The following NBEA variants were observed in gnomAD, a reference collection of about 807,000 sequenced individuals.
NBEA encodes neurobeachin.
NBEA carries 44 observed loss-of-function variants against 343.4 expected under a neutral mutation model. That is an observed-to-expected ratio of 0.13 (90% CI 0.10 to 0.16). The LOEUF (loss-of-function observed/expected upper bound fraction) is 0.16. Ranked by LOEUF, NBEA falls within the 10% of genes least tolerant of loss-of-function variation. The probability of loss-of-function intolerance (pLI) is 1.00; values close to 1 mark genes in which losing one functional copy is unlikely to be tolerated. For missense variants in NBEA, 2,555 were observed against 3,631.3 expected (o/e 0.70, Z 7.62); for synonymous variants, 1,175 against 1,238.7 (o/e 0.95, Z 1.08).
intron 31 of NBEA, among the ~76,000 whole-genome samples, chr13:35,203,933 A>C (rs1308103819): frequency 6.6e-6 from 1 of 152,300 alleles, no homozygotes; most frequent in African/African-American, 2.4e-5. Flanking sequence ...TTGTGTGGAA[A>C]GCATAGTATT....
At chr13:35,116,385 ACATTGG>A (rs2066492492) in intron 13 of NBEA, among the ~76,000 whole-genome samples, 1 of 152,132 alleles carries the variant, frequency 6.6e-6, no homozygotes, top group Non-Finnish European at 1.5e-5. Flanking sequence ...TGTTTTCTGT[ACATTGG>A]CAATATTTTA....
At chr13:35,385,175 G>T (rs796535325) in intron 38 of NBEA, among the ~76,000 whole-genome samples, 1 of 152,104 alleles carries the variant, frequency 6.6e-6, no homozygotes, top group East Asian at 1.9e-4. Flanking sequence ...TTAGACTTCA[G>T]TAAGTTAAGG....
intron 41 of NBEA, among the ~76,000 whole-genome samples, chr13:35,492,183 G>A (rs1034955527): frequency 2.6e-5 from 4 of 151,918 alleles, no homozygotes; most frequent in African/African-American, 7.2e-5. Flanking sequence ...GTGGAGTTTG[G>A]GAACTCAGGG....
intron 1 of NBEA, among the ~76,000 whole-genome samples, chr13:35,030,004 C>T (rs1456345529): frequency 1.3e-5 from 2 of 151,564 alleles, no homozygotes. Context: ...GTTAACTGTG[C>T]AAATAGAGTA....
intron 34 of NBEA, among the ~76,000 whole-genome samples, chr13:35,255,685 G>T (rs544051138): frequency 6.6e-6 from 1 of 152,368 alleles, no homozygotes; most frequent in African/African-American, 2.4e-5. Context: ...CCCCAGAAAG[G>T]GTGTCACAGC....
intron 1 of NBEA, among the ~76,000 whole-genome samples, chr13:35,019,449 CA>C (rs1453533716): frequency 6.6e-6 from 1 of 151,928 alleles, no homozygotes; most frequent in Non-Finnish European, 1.5e-5. Context: ...AGGCGGACAC[CA>C]CCACACCTGG....
intron 1 of NBEA, among the ~76,000 whole-genome samples, chr13:34,971,564 G>A (rs2059996229): frequency 6.6e-6 from 1 of 152,046 alleles, no homozygotes; most frequent in Non-Finnish European, 1.5e-5. Flanking sequence ...TAACCTGAAG[G>A]GATGTTGAAT....
intron 10 of NBEA, among the ~76,000 whole-genome samples, chr13:35,074,400 G>A (rs892539914): frequency 6.6e-6 from 1 of 151,992 alleles, no homozygotes; most frequent in Non-Finnish European, 1.5e-5. Flanking sequence ...CTTCCTCATT[G>A]TGTGACCTAA....
intron 34 of NBEA, among the ~76,000 whole-genome samples, chr13:35,245,366 T>C (rs2031025216): frequency 6.6e-6 from 1 of 152,116 alleles, no homozygotes; most frequent in African/African-American, 2.4e-5. Context: ...TTTTTTGTAA[T>C]TTTGTTTTAT....
intron 34 of NBEA, among the ~76,000 whole-genome samples, chr13:35,238,157 A>T (rs1219546730): frequency 6.6e-6 from 1 of 152,236 alleles, no homozygotes; most frequent in Non-Finnish European, 1.5e-5. Context: ...CCAGCCAAAG[A>T]TAACAAAGCT....
At chr13:35,030,069 T>TTA (rs1258756636) in intron 1 of NBEA, among the ~76,000 whole-genome samples, 1 of 151,694 alleles carries the variant, frequency 6.6e-6, no homozygotes, top group African/African-American at 2.4e-5. Context: ...TCCTTCTCTT[T>TTA]TATATATGGT....
chr13:35,231,934 A>G (rs1421071401), intron 33 of NBEA, among the ~76,000 whole-genome samples: 2 of 152,180 alleles, frequency 1.3e-5, no homozygotes, highest in South Asian at 4.1e-4. Flanking sequence ...ATGTATGGCT[A>G]TTAACTTAAA....
At chr13:35,433,941 A>G (rs978348157) in intron 39 of NBEA, among the ~76,000 whole-genome samples, 3 of 152,204 alleles carry the variant, frequency 2.0e-5, no homozygotes, top group Middle Eastern at 3.4e-3. Flanking sequence ...AATTTATCTC[A>G]TTTGAAAGTG....
In NBEA at chr13:35,048,551, A is replaced by G. The variant is rs760062524; in HGVS notation, c.724-12A>G. ...AACTGATACTTTCGTACCTTTTCTC[A>G]TTGCCTTGTAGGCAATTGCCTTGCC... On this transcript the variant is annotated splice_polypyrimidine_tract_variant and intron_variant, in intron 4 of 58. Coordinates refer to ENST00000379939, the MANE Select transcript of NBEA (RefSeq NM_001385012.1). 1 of 1,600,314 alleles carries G rather than the reference A, an allele frequency of 6.2e-7. No individual in the cohort carries two copies. The highest frequency in any genetic ancestry group is 1.1e-5 in the South Asian group (1 of 88,888).
At chr13:35,245,430 A>G (rs2031038108) in intron 34 of NBEA, among the ~76,000 whole-genome samples, 1 of 151,914 alleles carries the variant, frequency 6.6e-6, no homozygotes, top group African/African-American at 2.4e-5. Flanking sequence ...TGTTTCCAGG[A>G]TTTGTCAAGA....
At chr13:34,948,852 C>T (rs2059266837) in intron 1 of NBEA, among the ~76,000 whole-genome samples, 2 of 152,090 alleles carry the variant, frequency 1.3e-5, no homozygotes, top group South Asian at 2.1e-4. Context: ...CAGTTAACTT[C>T]GGTCCAAGTT....
intron 6 of NBEA, among the ~76,000 whole-genome samples, chr13:35,052,381 G>GTA (rs2152564418): frequency 6.6e-6 from 1 of 152,076 alleles, no homozygotes; most frequent in African/African-American, 2.4e-5. Context: ...TTACCTAATG[G>GTA]TAATATGTGC....
intron 23 of NBEA, 49 bp downstream of exon 23, chr13:35,162,016 C>A: frequency 6.9e-7 from 1 of 1,444,428 alleles, no homozygotes; most frequent in Non-Finnish European, 9.4e-7. Context: ...TTAAAATATG[C>A]CATTGCCTAT....
chr13:35,640,583 A>C (rs1212889441), intron 49 of NBEA, among the ~76,000 whole-genome samples: 1 of 152,226 alleles, frequency 6.6e-6, no homozygotes, highest in African/African-American at 2.4e-5. Flanking sequence ...AAGATGTCAT[A>C]ATTTCGTAAC....
Sources: allele counts gnomAD v4.1 joint callset (sites outside exome capture counted in the v4.1 genomes callset), GRCh38; gene constraint gnomAD v4.1.1; transcripts MANE v1.5; gene names NCBI Gene and HGNC (gene_info 2026-07-23, HGNC 2026-07-21).